Variants in SMARCA2 observed in about 807,000 individuals in gnomAD.
SMARCA2 encodes SWI/SNF-related matrix-associated actin-dependent regulator of chromatin subfamily A member 2.
SMARCA2 carries 61 observed loss-of-function variants against 199.8 expected under a neutral mutation model. The observed-to-expected ratio is 0.31, with a 90% confidence interval of 0.25 to 0.38. The LOEUF is 0.38. Among genes scored for constraint, SMARCA2 ranks in the 10% least tolerant of loss-of-function variants. SMARCA2 has a pLI of 1.00. For missense variants in SMARCA2, 1,344 were observed against 2,012.2 expected (o/e 0.67, Z 6.35); for synonymous variants, 935 against 732.0 (o/e 1.28, Z -4.48).
At chr9:2,042,029 A>C (rs1176399135) in intron 4 of SMARCA2, 1 of 152,190 alleles carries the variant, frequency 6.6e-6, no homozygotes, top group African/African-American at 2.4e-5. Context: ...TGGCTCCTTC[A>C]TGGCAAAAAG....
chr9:2,095,982 C>T (rs1275556504), intron 19 of SMARCA2, among the ~76,000 whole-genome samples: 3 of 152,158 alleles, frequency 2.0e-5, no homozygotes, highest in Non-Finnish European at 4.4e-5. Context: ...CATGTGAATT[C>T]CCCTTAACTT....
intron 29 of SMARCA2, among the ~76,000 whole-genome samples, chr9:2,181,029 G>C (rs917128746): frequency 6.6e-6 from 1 of 151,448 alleles, no homozygotes; most frequent in Non-Finnish European, 1.5e-5. Flanking sequence ...TACCCTAAAG[G>C]AATAAGACCA....
chr9:2,147,403 A>G (rs1488297909), intron 27 of SMARCA2, among the ~76,000 whole-genome samples: 1 of 152,242 alleles, frequency 6.6e-6, no homozygotes, highest in Admixed American at 6.5e-5. Flanking sequence ...TTATATGTAC[A>G]TGTAATTTTT....
intron 3 of SMARCA2, among the ~76,000 whole-genome samples, chr9:2,033,658 A>G (rs1271577784): frequency 2.6e-5 from 4 of 152,206 alleles, no homozygotes; most frequent in Non-Finnish European, 4.4e-5. Context: ...GTATTCTCTT[A>G]TATAATTCTG....
At chr9:2,103,788 A>G (rs932771881) in intron 22 of SMARCA2, among the ~76,000 whole-genome samples, 3 of 152,060 alleles carry the variant, frequency 2.0e-5, no homozygotes, top group Admixed American at 2.0e-4. Flanking sequence ...AGTATATGCA[A>G]TGCACTTTTC....
At chr9:2,102,159 G>GTGTATGTA (rs1554626396) in intron 22 of SMARCA2, among the ~76,000 whole-genome samples, 1 of 148,140 alleles carries the variant, frequency 6.8e-6, no homozygotes, top group African/African-American at 2.5e-5. Context: ...GTGTGTGTGT[G>GTGTATGTA]TGTGTGGTGT....
chr9:2,054,452 C>T (rs1820260731), intron 5 of SMARCA2, 145 bp from the exon 6 acceptor site: 2 of 946,856 alleles, frequency 2.1e-6, no homozygotes, highest in East Asian at 4.9e-5. Context: ...ATCAAAAATT[C>T]TAGTTGGGTG....
rs764582589 is a variant in SMARCA2, at chr9:2,116,101, T to C, written c.3684+52T>C. 5.2e-6 allele frequency: 7 copies of C among 1,344,344 alleles called. No homozygotes were observed. In the South Asian group the frequency reaches 7.3e-5, roughly 14 times the overall value. The allele number at this position is 1,344,344 out of a possible 1,614,324, so 83.3% of individuals were successfully genotyped here. A position where few individuals can be genotyped will look rare whatever the true frequency, so the allele number is the denominator to read the frequency against. ...AAATCAAACAGTGGCCTTTTGTCTCTGAAGGACTCAGAATAATCCCTTTGT... is the reference window on the plus strand; with the variant it reads ...AAATCAAACAGTGGCCTTTTGTCTCCGAAGGACTCAGAATAATCCCTTTGT... On this transcript the variant is annotated intron_variant, in intron 25 of 33. Coordinates refer to ENST00000349721, the MANE Select transcript of SMARCA2 (RefSeq NM_003070.5).
rs1822947032 is a variant in SMARCA2 at position 2,110,466 on chromosome 9, A to G, written c.3456+49A>G. ...CCAGGCCTCCCTCTGGAGAGCAACT[A>G]AAAGATGATCAGTTTCATTATTCAC... On this transcript the variant is annotated intron_variant, in intron 24 of 33. Transcript: ENST00000349721. This position sits in a 1 kb window ranked among gnomAD's most constrained non-coding sequence, Gnocchi z 4.8. The G allele has an allele frequency of 7.0e-7, 1 of 1,422,642 alleles. No homozygotes were observed. The highest frequency in any genetic ancestry group is 9.5e-7 in the Non-Finnish European group (1 of 1,049,504). The allele number at this position is 1,422,642 out of a possible 1,614,324, so 88.1% of individuals were successfully genotyped here.
chr9:2,062,486 C>T (rs1820640674), intron 9 of SMARCA2, among the ~76,000 whole-genome samples: 1 of 152,126 alleles, frequency 6.6e-6, no homozygotes, highest in Non-Finnish European at 1.5e-5. Context: ...ATAGTTGCAT[C>T]GTCGTAGGCA....
intron 28 of SMARCA2, among the ~76,000 whole-genome samples, chr9:2,165,364 T>G (rs1825884865): frequency 6.6e-6 from 1 of 152,208 alleles, no homozygotes; most frequent in African/African-American, 2.4e-5. Flanking sequence ...ATCATTTATG[T>G]GTGTGTTCGT....
intron 6 of SMARCA2, among the ~76,000 whole-genome samples, chr9:2,055,286 G>A (rs1372736834): frequency 6.6e-6 from 1 of 152,172 alleles, no homozygotes; most frequent in Non-Finnish European, 1.5e-5. Context: ...TAAATTATCT[G>A]CTCTTGTAGT....
intron 9 of SMARCA2, among the ~76,000 whole-genome samples, chr9:2,068,167 C>T (rs538876144): frequency 6.6e-6 from 1 of 152,120 alleles, no homozygotes; most frequent in South Asian, 2.1e-4. Flanking sequence ...TGACTGGTAG[C>T]AGGGATGGTT....
intron 9 of SMARCA2, among the ~76,000 whole-genome samples, chr9:2,061,755 G>A (rs941488664): frequency 9.2e-5 from 14 of 152,196 alleles, no homozygotes; most frequent in African/African-American, 3.1e-4. Flanking sequence ...AAAGGTTGAG[G>A]ATTGGTAGCA....
At chr9:2,073,158 G>T (rs1821163527) in intron 10 of SMARCA2, 54 bp from the exon 11 acceptor site, 1 of 1,606,656 alleles carries the variant, frequency 6.2e-7, no homozygotes, top group Non-Finnish European at 8.5e-7. Flanking sequence ...TCCAGTACAG[G>T]ACTGGGGGAA....
Position 2,170,362 on chromosome 9 carries a change from G to T in SMARCA2, c.4200-57G>T, listed in dbSNP as rs3793509. 3.1e-6 allele frequency: 5 copies of T among 1,609,732 alleles called. No homozygotes were observed. The highest frequency in any genetic ancestry group is 2.7e-5 in the African/African-American group (2 of 74,742). ...TCACCCAGCCTAGGAAGAAGGAGCC[G>T]GGCGGGGACGAGAACCCAGGTCTTC... is the stretch of plus-strand genomic sequence containing the variant. On this transcript the variant is annotated intron_variant, in intron 28 of 33. Transcript: ENST00000349721. The surrounding 1 kb of genome is among the most constrained non-coding windows in gnomAD (Gnocchi z 4.7).
At chr9:2,173,332 C>A (rs1250946288) in intron 29 of SMARCA2, among the ~76,000 whole-genome samples, 4 of 152,172 alleles carry the variant, frequency 2.6e-5, no homozygotes, top group Non-Finnish European at 5.9e-5. Context: ...CAGGACCAGC[C>A]AACAGGCTCT....
intron 5 of SMARCA2, among the ~76,000 whole-genome samples, chr9:2,049,845 T>A (rs1008367814): frequency 7.9e-5 from 12 of 152,230 alleles, no homozygotes; most frequent in African/African-American, 2.9e-4. Context: ...ACAGAATGGC[T>A]TACCAGCCTT....
chr9:2,184,943 T>C (rs1170111298), intron 31 of SMARCA2, among the ~76,000 whole-genome samples: 1 of 151,794 alleles, frequency 6.6e-6, no homozygotes, highest in Non-Finnish European at 1.5e-5. Context: ...GCCCAGTCAC[T>C]TTTTTGAACG....
Sources: allele counts gnomAD v4.1 joint callset (sites outside exome capture counted in the v4.1 genomes callset), GRCh38; gene constraint gnomAD v4.1.1; non-coding constraint Gnocchi (gnomAD v3.1); transcripts MANE v1.5; gene names NCBI Gene and HGNC (gene_info 2026-07-23, HGNC 2026-07-21).